PCSK5: variants seen among roughly 807,000 people sequenced by gnomAD.
PCSK5 encodes the protein prohormone convertase 5.
PCSK5 carries 129 observed loss-of-function variants against 233.2 expected under a neutral mutation model. That is an observed-to-expected ratio of 0.55 (90% CI 0.48 to 0.64). The LOEUF (loss-of-function observed/expected upper bound fraction) is 0.64. Among genes scored for constraint, PCSK5 ranks in the 30% least tolerant of loss-of-function variants. The probability of loss-of-function intolerance (pLI) is 0.00; values close to 1 mark genes in which losing one functional copy is unlikely to be tolerated. For synonymous variants in PCSK5, 825 were observed against 879.2 expected (o/e 0.94, Z 1.09); for missense variants, 2,076 against 2,430.1 (o/e 0.85, Z 3.06).
chr9:76,272,345 T>C (rs1827540843), intron 24 of PCSK5, among the ~76,000 whole-genome samples: 1 of 152,196 alleles, frequency 6.6e-6, no homozygotes, highest in Admixed American at 6.5e-5. Flanking sequence ...CTAGTCTCTC[T>C]GATTCCAGTC....
At chr9:76,324,482 T>G (rs1160490494) in intron 32 of PCSK5, among the ~76,000 whole-genome samples, 1 of 151,962 alleles carries the variant, frequency 6.6e-6, no homozygotes, top group Non-Finnish European at 1.5e-5. Context: ...CCGCCCACCC[T>G]GGCCTCCCAA....
At chr9:76,011,414 A>G (rs1201288259) in intron 3 of PCSK5, among the ~76,000 whole-genome samples, 2 of 152,224 alleles carry the variant, frequency 1.3e-5, no homozygotes, top group Non-Finnish European at 1.5e-5. Flanking sequence ...TGCATCTTCA[A>G]GTGGACAATA....
At chr9:76,090,425 T>C (rs1389884301) in intron 7 of PCSK5, among the ~76,000 whole-genome samples, 1 of 152,190 alleles carries the variant, frequency 6.6e-6, no homozygotes, top group Non-Finnish European at 1.5e-5. Flanking sequence ...CTTTAGCAGC[T>C]GTCTTGATGG....
Position 76,098,743 on chromosome 9 carries a change from T to C in PCSK5, c.1107+2641T>C, listed in dbSNP as rs193279565. 3.9e-3 allele frequency among the ~76,000 whole-genome samples: 587 copies of C among 152,316 alleles called. 4 individuals are homozygous for C. Among genetic ancestry groups the C allele is most frequent in the Non-Finnish European group, 4.6e-3 (316 of 68,026 alleles). On this transcript the variant is annotated intron_variant, in intron 8 of 37. Coordinates refer to ENST00000674117, the MANE Select transcript of PCSK5 (RefSeq NM_001372043.1). ...AGCATATAGTCTCATGGTAAAAATA[T>C]CAAAGAAGAAGGAAAGGTGGTCTCG...
chr9:76,066,723 A>G (rs1362499447), intron 5 of PCSK5, among the ~76,000 whole-genome samples: 1 of 152,248 alleles, frequency 6.6e-6, no homozygotes, highest in East Asian at 1.9e-4. Context: ...AGCAGTATAT[A>G]TCTCTTTTAT....
intron 29 of PCSK5, among the ~76,000 whole-genome samples, chr9:76,310,095 A>G (rs1414962896): frequency 1.1e-4 from 16 of 152,134 alleles, no homozygotes. Context: ...TAAAAATACA[A>G]AAATTAGCCA....
intron 20 of PCSK5, among the ~76,000 whole-genome samples, chr9:76,218,124 T>C (rs975673038): frequency 2.6e-5 from 4 of 152,166 alleles, no homozygotes; most frequent in Non-Finnish European, 5.9e-5. Context: ...GAAACTCTGC[T>C]GGGGAAAAGC....
chr9:76,114,075 T>A (rs1832330894), intron 9 of PCSK5, among the ~76,000 whole-genome samples: 1 of 152,122 alleles, frequency 6.6e-6, no homozygotes, highest in Non-Finnish European at 1.5e-5. Flanking sequence ...CTTAGAGTTT[T>A]TTTGTGTATT....
rs77502423 is a variant in PCSK5, at chr9:76,321,489, G to A, written c.3952G>A (p.Ala1318Thr). Residue 1318 changes from alanine to threonine, a missense_variant, in exon 31 of 38, where the codon GCC becomes ACC. Coordinates refer to ENST00000674117, the MANE Select transcript of PCSK5 (RefSeq NM_001372043.1). ...SSPCRTCEGN[A>T]TNCHSCEGGH... The stretch of plus-strand genomic sequence containing the variant: ...TCCTTGCAGAACATGTGAAGGAAAC[G>A]CCACCAACTGCCATTCTTGTGAAGG... 37 of 1,612,152 alleles carry A rather than the reference G, an allele frequency of 2.3e-5. No homozygotes were observed. The highest frequency in any genetic ancestry group is 8.0e-5 in the African/African-American group (6 of 75,034).
At chr9:76,078,201 G>A (rs1464852596) in intron 7 of PCSK5, among the ~76,000 whole-genome samples, 11 of 152,192 alleles carry the variant, frequency 7.2e-5, no homozygotes, top group Admixed American at 5.9e-4. Context: ...TGTTGGATGT[G>A]TAGTTTGTGA....
At chr9:76,039,715 T>G (rs1035999595) in intron 5 of PCSK5, among the ~76,000 whole-genome samples, 4 of 152,200 alleles carry the variant, frequency 2.6e-5, no homozygotes, top group Non-Finnish European at 5.9e-5. Flanking sequence ...AAGAACTGCT[T>G]CTTTGGTCTT....
At chr9:75,916,147 T>G (rs1354464663) in intron 1 of PCSK5, among the ~76,000 whole-genome samples, 1 of 152,196 alleles carries the variant, frequency 6.6e-6, no homozygotes, top group Non-Finnish European at 1.5e-5. Context: ...TTAAAGTTAA[T>G]CAGGTCAGGG....
At chr9:76,318,552 A>G (rs1477163124) in intron 30 of PCSK5, among the ~76,000 whole-genome samples, 2 of 152,140 alleles carry the variant, frequency 1.3e-5, no homozygotes, top group African/African-American at 4.8e-5. Flanking sequence ...GGGGTTGTAT[A>G]TTTTACTGTG....
At chr9:76,008,751 A>G (rs1205310106) in intron 3 of PCSK5, among the ~76,000 whole-genome samples, 2 of 152,148 alleles carry the variant, frequency 1.3e-5, no homozygotes, top group Non-Finnish European at 2.9e-5. Flanking sequence ...TGAGCTTTGC[A>G]TTCTTACCAT....
At chr9:75,987,214 C>G (rs1034112433) in intron 3 of PCSK5, among the ~76,000 whole-genome samples, 11 of 152,110 alleles carry the variant, frequency 7.2e-5, no homozygotes, top group African/African-American at 2.7e-4. Context: ...CTGCCCTTCC[C>G]CACCTCCTTG....
At chr9:76,138,449 G>T (rs571993819) in intron 10 of PCSK5, among the ~76,000 whole-genome samples, 6 of 152,108 alleles carry the variant, frequency 3.9e-5, no homozygotes, top group African/African-American at 1.4e-4. Context: ...TTTAATTCAG[G>T]CATTTTTCAT....
chr9:76,107,736 A>G (rs1832037837), intron 9 of PCSK5, among the ~76,000 whole-genome samples: 1 of 152,226 alleles, frequency 6.6e-6, no homozygotes, highest in Non-Finnish European at 1.5e-5. Context: ...GGCAGCTCCG[A>G]TTCCACGACA....
Position 75,986,157 on chromosome 9 carries a change from T to C in PCSK5, c.323T>C (p.Val108Ala), listed in dbSNP as rs773770553. ...PKVEWIQQQV[V>A]KKRTKRDYDF... ...GTGGAATGGATCCAACAGCAAGTGGTAAAAAAGCGGACAAAGAGGGATTAT... is the reference window on the plus strand; with the variant it reads ...GTGGAATGGATCCAACAGCAAGTGGCAAAAAAGCGGACAAAGAGGGATTAT... Residue 108 changes from valine (V) to alanine (A), a missense_variant, in exon 3 of 38, where the codon GTA (valine) becomes GCA (alanine). Physicochemically the swap from Val to Ala is moderately conservative, Grantham distance 64. Transcript: ENST00000674117. The C allele has an allele frequency of 3.0e-5, 48 of 1,612,746 alleles. No individual in the cohort carries two copies. The highest frequency in any genetic ancestry group is 3.9e-5 in the Non-Finnish European group (46 of 1,178,858).
intron 2 of PCSK5, among the ~76,000 whole-genome samples, chr9:75,975,434 AG>A (rs751575287): frequency 2.9e-4 from 44 of 152,336 alleles, no homozygotes; most frequent in Middle Eastern, 3.4e-3. Flanking sequence ...GATATTTAGC[AG>A]ATCACCCTAT....
Sources: allele counts gnomAD v4.1 joint callset (sites outside exome capture counted in the v4.1 genomes callset), GRCh38; gene constraint gnomAD v4.1.1; transcripts MANE v1.5; gene names NCBI Gene and HGNC (gene_info 2026-07-23, HGNC 2026-07-21).